The following GUK1 variants were observed in gnomAD, a reference collection of about 807,000 sequenced individuals.
The protein encoded by GUK1 is guanylate kinase 1.
A neutral mutation model predicts 25.2 loss-of-function variants in GUK1; 18 were observed. That is an observed-to-expected ratio of 0.71 (90% CI 0.49 to 1.06). The LOEUF (loss-of-function observed/expected upper bound fraction) is 1.06. Ranked by LOEUF, GUK1 falls within the 50% of genes least tolerant of loss-of-function variation. The pLI is 0.00. For missense variants in GUK1, 261 were observed against 276.7 expected, an observed-to-expected ratio of 0.94 and a Z score of 0.40; for synonymous variants, 105 against 117.6, an observed-to-expected ratio of 0.89 and a Z score of 0.69.
chr1:228,145,995 GC>G (rs2034348129), intron 3 of GUK1, 30 bp from the exon 3 acceptor site: 2 of 1,577,874 alleles, frequency 1.3e-6, no homozygotes, highest in Non-Finnish European at 1.7e-6. Context: ...GCTCCGAGCA[GC>G]CCCCGATGGG....
intron 1 of GUK1, chr1:228,140,975 CTGGTG>C (rs2124925087): frequency 6.2e-6 from 1 of 161,714 alleles, no homozygotes; most frequent in Non-Finnish European, 1.3e-5. Context: ...CCAGTAAGGA[CTGGTG>C]TGGGAAGCAG....
rs1361489348 is a variant in GUK1 at position 228,146,886 on chromosome 1, G to A, written c.199G>A (p.Ala67Thr). The change falls in exon 5 of 9, where the codon GCC becomes ACC. Residue 67 changes from alanine to threonine, a missense_variant. Ala to Thr is a moderately conservative substitution (Grantham distance 58, BLOSUM62 0). Transcript: ENST00000312726. Reference sequence around the variant, plus strand: ...GGAGGTGATGCAGCGTGACATAGCAGCCGGCGACTTCATCGAGCATGCCGA... The same window carrying A: ...GGAGGTGATGCAGCGTGACATAGCAACCGGCGACTTCATCGAGCATGCCGA... 6.2e-7 allele frequency: 1 copy of A among 1,613,812 alleles called. No homozygotes were observed. The highest frequency in any genetic ancestry group is 1.3e-5 in the African/African-American group (1 of 74,938).
At chr1:228,143,503 C>A (rs1391690509) in intron 2 of GUK1, among the ~76,000 whole-genome samples, 1 of 152,218 alleles carries the variant, frequency 6.6e-6, no homozygotes, top group Admixed American at 6.5e-5. Context: ...CTGGATGTGT[C>A]CTGAGAACTG....
intron 2 of GUK1, among the ~76,000 whole-genome samples, chr1:228,142,086 C>T (rs1416368520): frequency 6.6e-6 from 1 of 152,244 alleles, no homozygotes; most frequent in Non-Finnish European, 1.5e-5. Flanking sequence ...TGGTGACCGC[C>T]CTGCCACTGG....
At chr1:228,144,062 G>T (rs1291294268) in intron 2 of GUK1, among the ~76,000 whole-genome samples, 9 of 148,886 alleles carry the variant, frequency 6.0e-5, no homozygotes, top group African/African-American at 2.2e-4. Context: ...TTTGCTTGGT[G>T]TGCGTGCATT....
upstream of GUK1, chr1:228,140,199 C>T: frequency 1.1e-6 from 1 of 925,712 alleles, no homozygotes; most frequent in Non-Finnish European, 1.6e-6. Context: ...ACGAGTGAGA[C>T]ATGGGCGGGG....
rs1205778045 is a variant in GUK1, at chr1:228,147,661, T to C, written c.437T>C (p.Val146Ala). The stretch of plus-strand genomic sequence containing the variant: ...AACACTGAAACCGAGGAGAGCCTGG[T>C]GAAGCGGCTGGCTGCTGCCCAGGCC... Residue 146 changes from valine (V) to alanine (A), a missense_variant, in exon 7 of 9, where the codon GTG (valine) becomes GCG (alanine). Coordinates refer to ENST00000312726, the MANE Select transcript of GUK1 (RefSeq NM_000858.7). 6.2e-7 allele frequency: 1 copy of C among 1,612,974 alleles called. No individual in the cohort carries two copies. The highest frequency in any genetic ancestry group is 1.7e-5 in the Admixed American group (1 of 60,000).
chr1:228,147,272 G>T, intron 5 of GUK1, 134 bp from the exon 5 acceptor site: 1 of 828,478 alleles, frequency 1.2e-6, no homozygotes, highest in South Asian at 1.7e-5. Context: ...ATGCTGTCGG[G>T]TGCTGGGTCC....
At chr1:228,146,694 T>C (rs1309655869) in intron 4 of GUK1, 148 bp from the exon 4 acceptor site, 2 of 653,048 alleles carry the variant, frequency 3.1e-6, no homozygotes, top group Admixed American at 2.3e-5. Context: ...TGAGGGGTCC[T>C]CAGATGTCTC....
At chr1:228,142,144 CGGT>C (rs142853106) in intron 2 of GUK1, among the ~76,000 whole-genome samples, 147,591 of 152,278 alleles carry the variant, frequency 0.97, 71,704 homozygotes, top group South Asian at 1. Flanking sequence ...CTGTCTCCAG[CGGT>C]GGTGGTGTGG....
At chr1:228,141,757 A>T in intron 2 of GUK1, 9 of 1,321,208 alleles carry the variant, frequency 6.8e-6, no homozygotes, top group Non-Finnish European at 9.0e-6. Flanking sequence ...CCATTCCGGA[A>T]CATGGATCTG....
At chr1:228,148,484 C>G in intron 8 of GUK1, 28 bp downstream of exon 7, 1 of 1,526,070 alleles carries the variant, frequency 6.6e-7, no homozygotes, top group Non-Finnish European at 8.9e-7. Context: ...CCTACCTGGG[C>G]AAGGCCCAAG....
At position 228,148,949 on chromosome 1, in the gene GUK1, C is replaced by G; in HGVS notation, c.*252C>G. The G allele has an allele frequency of 9.9e-7, 1 of 1,010,710 alleles. No homozygotes were observed. The highest frequency in any genetic ancestry group is 2.7e-5 in the East Asian group (1 of 37,454). The allele number at this position is 1,010,710 out of a possible 1,614,324, so 62.6% of individuals were successfully genotyped here. ...TAAAATAACTGTTGGATTAGAAACT[C>G]CATAAATGAGTGGAATGTGGCCCCA... On this transcript the variant is annotated 3_prime_UTR_variant, in exon 9 of 9. Coordinates refer to ENST00000312726, the MANE Select transcript of GUK1 (RefSeq NM_000858.7).
In GUK1 at chr1:228,146,285, C is replaced by T. The variant is rs56410225; in HGVS notation, c.154+218C>T. 2.5e-3 allele frequency: 1,426 copies of T among 564,316 alleles called. 11 individuals carry two copies. The highest frequency in any genetic ancestry group is 0.024 in the African/African-American group (1,278 of 53,144). 35.0% of individuals were successfully genotyped at this position (564,316 alleles called of 1,614,324 possible). A position where few individuals can be genotyped will look rare whatever the true frequency, so the allele number is the denominator to read the frequency against. The stretch of plus-strand genomic sequence containing the variant: ...GTACAGTGTGAGAGGCCGGCCAAGG[C>T]CTGGGGCTGTCTTCCTCCCACCTTG... On this transcript the variant is annotated intron_variant, in intron 4 of 8. Coordinates refer to ENST00000312726, the MANE Select transcript of GUK1 (RefSeq NM_000858.7).
chr1:228,146,772 G>C, intron 4 of GUK1, 70 bp from the exon 4 acceptor site: 1 of 988,442 alleles, frequency 1.0e-6, no homozygotes, highest in Non-Finnish European at 1.6e-6. Flanking sequence ...GCCTGGGTTG[G>C]GGGCAGCTGG....
chr1:228,147,775 T>G, intron 7 of GUK1, 76 bp downstream of exon 6: 2 of 1,308,806 alleles, frequency 1.5e-6, no homozygotes, highest in South Asian at 2.5e-5. Context: ...CCAGGGACCC[T>G]GTGGGTCCCC....
At chr1:228,146,717 G>T in intron 4 of GUK1, 125 bp from the exon 4 acceptor site, 1 of 714,226 alleles carries the variant, frequency 1.4e-6, no homozygotes, top group Non-Finnish European at 2.6e-6. Context: ...GCCCAGCAAG[G>T]ATCTGACTAA....
chr1:228,147,960 C>T (rs2034487455), intron 7 of GUK1: 1 of 583,808 alleles, frequency 1.7e-6, no homozygotes, highest in African/African-American at 1.9e-5. Context: ...CCCAGACCCC[C>T]CATCGCCCAG....
chr1:228,147,729 G>A (rs889284436), intron 7 of GUK1, 30 bp downstream of exon 6: 5 of 1,596,798 alleles, frequency 3.1e-6, no homozygotes, highest in Admixed American at 3.3e-5. Context: ...ACCAGGGAAT[G>A]CCAGGAGGGG....
Sources: gnomAD v4.1 joint callset for allele counts (sites outside exome capture counted in the v4.1 genomes callset) on GRCh38, gnomAD v4.1.1 for gene constraint, MANE v1.5 for transcripts, NCBI Gene and HGNC (gene_info 2026-07-23, HGNC 2026-07-21) for gene names.